ATG16L1: variants seen among roughly 807,000 people sequenced by gnomAD.
The protein encoded by ATG16L1 is autophagy related 16 like 1, also known as autophagy-related protein 16-1.
In ATG16L1, 37 loss-of-function variants were observed where a neutral mutation model predicts 88.5. The ratio of observed to expected loss-of-function variants is 0.42; its 90% confidence interval spans 0.32 to 0.55. The LOEUF is 0.55. Among genes scored for constraint, ATG16L1 ranks in the 20% least tolerant of loss-of-function variants. The pLI, the probability that ATG16L1 is intolerant of heterozygous loss-of-function variation, is 0.13. For synonymous variants in ATG16L1, 301 were observed against 281.0 expected (o/e 1.07, Z -0.71); for missense variants, 554 against 752.8 (o/e 0.74, Z 3.09).
chr2:233,259,437 C>T (rs918765031), intron 2 of ATG16L1, among the ~76,000 whole-genome samples: 8 of 152,164 alleles, frequency 5.3e-5, no homozygotes, highest in Non-Finnish European at 7.4e-5. Context: ...GAGCTGCCTC[C>T]TAGTTCCTGG....
intron 12 of ATG16L1, chr2:233,288,850 G>A (rs1460427825): frequency 1.9e-6 from 1 of 519,224 alleles, no homozygotes; most frequent in Non-Finnish European, 3.8e-6. Context: ...GGAAGACACT[G>A]GTTGGCATCC....
chr2:233,294,232 T>G (rs747106018), intron 17 of ATG16L1, 25 bp from the exon 18 acceptor site: 55 of 1,548,484 alleles, frequency 3.6e-5, no homozygotes, highest in Non-Finnish European at 1.1e-5. Flanking sequence ...TGAAACTTGG[T>G]GCTTTTCTGA....
chr2:233,290,046 G>C, intron 13 of ATG16L1, 72 bp downstream of exon 13: 1 of 1,593,216 alleles, frequency 6.3e-7, no homozygotes, highest in South Asian at 1.1e-5. Flanking sequence ...TTGCACGTCA[G>C]AGCCTGCATT....
At chr2:233,288,961 G>A (rs1184631058) in intron 12 of ATG16L1, 1 of 510,182 alleles carries the variant, frequency 2.0e-6, no homozygotes, top group Non-Finnish European at 4.0e-6. Context: ...AATCCCCCAG[G>A]GGTTTTAATT....
In ATG16L1 at chr2:233,281,188, T is replaced by A; in HGVS notation, c.1131+13T>A. The A allele has an allele frequency of 6.5e-7, 1 of 1,548,998 alleles. No homozygotes were observed. ...ATTTGATAGTGCTGTAAGTATTGAA[T>A]AGCTATGATTTTAAAGGTTTTTAGA... On this transcript the variant is annotated intron_variant, in intron 11 of 17. Coordinates refer to ENST00000392017, the MANE Select transcript of ATG16L1 (RefSeq NM_030803.7).
chr2:233,285,506 C>T (rs534759918), intron 12 of ATG16L1, among the ~76,000 whole-genome samples: 1 of 152,338 alleles, frequency 6.6e-6, no homozygotes, highest in Non-Finnish European at 1.5e-5. Flanking sequence ...GCGCAGGCTG[C>T]TGGGCTGCTG....
rs866340691 is a variant in ATG16L1 at position 233,286,643 on chromosome 2, T to G, written c.1204-3211T>G. 2.9e-3 allele frequency among the ~76,000 whole-genome samples: 403 copies of G among 138,872 alleles called. 3 individuals carry two copies. Among genetic ancestry groups the G allele is most frequent in the South Asian group, 2.9e-3 (11 of 3,792 alleles). 91.1% of individuals were successfully genotyped at this position (138,872 alleles called of 152,430 possible). A position where few individuals can be genotyped will look rare whatever the true frequency, so the allele number is the denominator to read the frequency against. On this transcript the variant is annotated intron_variant, in intron 12 of 17. Coordinates refer to ENST00000392017, the MANE Select transcript of ATG16L1 (RefSeq NM_030803.7). Reference sequence around the variant, plus strand: ...AAACTTTTTTTTTTTTTTTTTTTTTTGAGACAGTGTCTCGCTCAGTCACCC... The same window carrying G: ...AAACTTTTTTTTTTTTTTTTTTTTTGGAGACAGTGTCTCGCTCAGTCACCC...
chr2:233,288,093 G>A (rs1350853351), intron 12 of ATG16L1, among the ~76,000 whole-genome samples: 5 of 152,168 alleles, frequency 3.3e-5, no homozygotes, highest in Admixed American at 6.5e-5. Context: ...ACTGGCAGCA[G>A]TTGTAAGATG....
chr2:233,267,485 A>G (rs1559387478), intron 5 of ATG16L1, among the ~76,000 whole-genome samples: 2 of 152,194 alleles, frequency 1.3e-5, no homozygotes, highest in Non-Finnish European at 2.9e-5. Context: ...GGAAGGAATT[A>G]TATGTACTGT....
At chr2:233,262,254 C>T (rs1054193709) in intron 2 of ATG16L1, among the ~76,000 whole-genome samples, 3 of 152,226 alleles carry the variant, frequency 2.0e-5, no homozygotes, top group African/African-American at 7.2e-5. Context: ...TGCTCCCACC[C>T]TGGTCTGAGC....
intron 2 of ATG16L1, among the ~76,000 whole-genome samples, chr2:233,256,693 C>CTTTTTTTTTTTTTTTTTTTT (rs1175941099): frequency 7.1e-6 from 1 of 140,470 alleles, no homozygotes. Flanking sequence ...TTTTCTTTTT[C>CTTTTTTTTTTTTTTTTTTTT]TTTTTTTTTT....
chr2:233,290,122 T>C, intron 13 of ATG16L1, 126 bp from the exon 14 acceptor site: 1 of 1,501,102 alleles, frequency 6.7e-7, no homozygotes, highest in African/African-American at 1.4e-5. Flanking sequence ...ATAGTGATAG[T>C]TTTTCTTGTT....
At chr2:233,255,655 A>G (rs1486602169) in intron 1 of ATG16L1, among the ~76,000 whole-genome samples, 1 of 152,118 alleles carries the variant, frequency 6.6e-6, no homozygotes, top group Non-Finnish European at 1.5e-5. Flanking sequence ...CTTAACTCAT[A>G]TATCACCTCC....
At chr2:233,254,766 T>C (rs2125193796) in intron 1 of ATG16L1, among the ~76,000 whole-genome samples, 1 of 152,192 alleles carries the variant, frequency 6.6e-6, no homozygotes, top group South Asian at 2.1e-4. Context: ...TAGATGAGAG[T>C]GTTTCTACCC....
chr2:233,278,397 A>G (rs1698513975), intron 10 of ATG16L1, among the ~76,000 whole-genome samples: 1 of 152,214 alleles, frequency 6.6e-6, no homozygotes, highest in Admixed American at 6.5e-5. Flanking sequence ...TTTAACGGGA[A>G]CCACTTTGCC....
At position 233,281,183 on chromosome 2, in the gene ATG16L1, T is replaced by C. The variant is rs1448870781; in HGVS notation, c.1131+8T>C. The C allele has an allele frequency of 2.6e-6, 4 of 1,568,490 alleles. No homozygotes were observed. In the South Asian group the frequency reaches 3.6e-5, roughly 14 times the overall value. The stretch of plus-strand genomic sequence containing the variant: ...ATTGAATTTGATAGTGCTGTAAGTA[T>C]TGAATAGCTATGATTTTAAAGGTTT... On this transcript the variant is annotated splice_region_variant and intron_variant, in intron 11 of 17. Transcript: ENST00000392017.
chr2:233,290,105 A>T (rs750015339), intron 13 of ATG16L1, 131 bp downstream of exon 13: 2 of 1,514,628 alleles, frequency 1.3e-6, no homozygotes, highest in Non-Finnish European at 1.8e-6. Flanking sequence ...TTAGAGGGGC[A>T]CTGAGGATAG....
intron 3 of ATG16L1, 87 bp from the exon 4 acceptor site, chr2:233,263,905 C>T: frequency 7.5e-7 from 1 of 1,332,768 alleles, no homozygotes; most frequent in Middle Eastern, 1.9e-4. Context: ...TTTATTCTTT[C>T]TTAAAAATAA....
At chr2:233,273,922 C>T in intron 8 of ATG16L1, 145 bp downstream of exon 8, 2 of 1,527,502 alleles carry the variant, frequency 1.3e-6, no homozygotes, top group Admixed American at 2.0e-5. Flanking sequence ...CATTTAGCTT[C>T]TTCCTTTTTT....
Sources: allele counts gnomAD v4.1 joint callset (sites outside exome capture counted in the v4.1 genomes callset), GRCh38; gene constraint gnomAD v4.1.1; transcripts MANE v1.5; gene names NCBI Gene and HGNC (gene_info 2026-07-23, HGNC 2026-07-21).